The following PTGER3 variants were observed in gnomAD, a reference collection of about 807,000 sequenced individuals.
PTGER3 encodes the protein prostaglandin E2 receptor EP3 subtype.
In PTGER3, 22 loss-of-function variants were observed where a neutral mutation model predicts 34.7. That is an observed-to-expected ratio of 0.63 (90% CI 0.45 to 0.91). PTGER3 has a LOEUF of 0.91. Among genes scored for constraint, PTGER3 ranks in the 40% least tolerant of loss-of-function variants. The probability of loss-of-function intolerance (pLI) is 0.00; values close to 1 mark genes in which losing one functional copy is unlikely to be tolerated. For synonymous variants in PTGER3, 241 were observed against 230.1 expected (o/e 1.05, Z -0.43); for missense variants, 468 against 519.4 (o/e 0.90, Z 0.96).
chr1:70,962,830 C>G (rs1652078221), intron 2 of PTGER3, among the ~76,000 whole-genome samples: 1 of 152,210 alleles, frequency 6.6e-6, no homozygotes, highest in Non-Finnish European at 1.5e-5. Flanking sequence ...TATGTCCTCA[C>G]ATTTCAAAAC....
intron 4 of PTGER3, among the ~76,000 whole-genome samples, chr1:70,854,508 T>C (rs1267616437): frequency 1.2e-4 from 18 of 152,074 alleles, no homozygotes; most frequent in Admixed American, 1.2e-3. Context: ...AGGGGCCTGG[T>C]GGGAGATGAT....
rs574269607 is a variant in PTGER3 at position 70,910,768 on chromosome 1, G to A, written c.*23+42995C>T. On this transcript the variant is annotated intron_variant, in intron 4 of 4. Coordinates refer to the PTGER3 transcript ENST00000370931. The stretch of plus-strand genomic sequence containing the variant: ...AGCATTGGTTAGAAAAAATGTCAAT[G>A]AGCCACGTTCTGGTTGTAAAATTCT... 2.6e-5 allele frequency among the ~76,000 whole-genome samples: 4 copies of A among 152,254 alleles called. No individual in the cohort carries two copies. In the East Asian group the frequency reaches 5.8e-4, roughly 22 times the overall value.
At position 70,984,386 on chromosome 1, in the gene PTGER3, C is replaced by CA. The variant is rs66985528; in HGVS notation, c.1078-9999dup. ...TGGGCAGTAGACTGAGACTCTGCCT[C>CA]AAAAAAAAAAAAAAAATTCATTAAA... is the stretch of plus-strand genomic sequence containing the variant. On this transcript the variant is annotated intron_variant, in intron 2 of 3. Transcript: ENST00000306666. 3.3e-3 allele frequency among the ~76,000 whole-genome samples: 449 copies of CA among 138,108 alleles called. 2 individuals are homozygous for CA. The highest frequency in any genetic ancestry group is 0.011 in the Middle Eastern group (3 of 280). The allele number at this position is 138,108 out of a possible 152,430, so 90.6% of individuals were successfully genotyped here. A position where few individuals can be genotyped will look rare whatever the true frequency, so the allele number is the denominator to read the frequency against.
intron 4 of PTGER3, among the ~76,000 whole-genome samples, chr1:70,864,270 G>A (rs1645993102): frequency 6.6e-6 from 1 of 151,938 alleles, no homozygotes; most frequent in South Asian, 2.1e-4. Flanking sequence ...TATCACTCTT[G>A]ATCAGGTAAT....
chr1:70,990,169 C>T lies in PTGER3; in HGVS notation c.1078-15781G>A, dbSNP rs568781087. On this transcript the variant is annotated intron_variant, in intron 2 of 3. Transcript: ENST00000306666. Reference sequence around the variant, plus strand: ...GAGATCGAGACCAACCTGGCTAACACGGTGAAACCCCCTCTCTACTAAAAA... The same window carrying T: ...GAGATCGAGACCAACCTGGCTAACATGGTGAAACCCCCTCTCTACTAAAAA... Among the ~76,000 whole-genome samples, 266 of 151,374 alleles carry T rather than the reference C, an allele frequency of 1.8e-3. 3 individuals are homozygous for T. The highest frequency in any genetic ancestry group is 5.8e-3 in the African/African-American group (238 of 41,236).
At chr1:70,876,905 T>C (rs971129171) in intron 4 of PTGER3, among the ~76,000 whole-genome samples, 1 of 152,200 alleles carries the variant, frequency 6.6e-6, no homozygotes, top group South Asian at 2.1e-4. Flanking sequence ...TCCAGCTTTG[T>C]ACTTTTTGCT....
At chr1:70,884,608 C>A (rs11808606) in intron 4 of PTGER3, among the ~76,000 whole-genome samples, 5,752 of 152,212 alleles carry the variant, frequency 0.038, 272 homozygotes, top group East Asian at 0.22. Context: ...AGACCCTGAG[C>A]TGAAGACCAA....
intron 4 of PTGER3, among the ~76,000 whole-genome samples, chr1:70,886,792 A>G (rs557732021): frequency 9.8e-5 from 15 of 152,302 alleles, no homozygotes; most frequent in African/African-American, 3.6e-4. Context: ...TGGATGCTCA[A>G]TAAATATGGT....
rs560442078 is a variant in PTGER3, at chr1:70,982,186, T to C, written c.1078-7798A>G. 7.2e-5 allele frequency among the ~76,000 whole-genome samples: 11 copies of C among 152,326 alleles called. No homozygotes were observed. The South Asian group carries it at 1.2e-3, about 17-fold the overall frequency. ...CACTTCCCTGTACATCTACTTCTGATACCAGGTTAAGAGGGACTTTTTCTC... is the reference window on the plus strand; with the variant it reads ...CACTTCCCTGTACATCTACTTCTGACACCAGGTTAAGAGGGACTTTTTCTC... On this transcript the variant is annotated intron_variant, in intron 2 of 3. Transcript: ENST00000306666.
At chr1:70,853,938 C>T (rs138965329) in intron 4 of PTGER3, among the ~76,000 whole-genome samples, 11 of 152,048 alleles carry the variant, frequency 7.2e-5, no homozygotes, top group Non-Finnish European at 1.2e-4. Context: ...AGAATGAAGT[C>T]GGATCCTTAC....
chr1:71,022,568 A>T (rs552660320), intron 1 of PTGER3, among the ~76,000 whole-genome samples: 1 of 152,008 alleles, frequency 6.6e-6, no homozygotes, highest in Non-Finnish European at 1.5e-5. Flanking sequence ...TTAAGACTTC[A>T]TCTCACAGGA....
At chr1:71,020,109 C>A (rs1382364318) in intron 1 of PTGER3, among the ~76,000 whole-genome samples, 2 of 152,136 alleles carry the variant, frequency 1.3e-5, no homozygotes, top group Admixed American at 6.5e-5. Flanking sequence ...TGGGAAGAAG[C>A]TTCACTGTGG....
At chr1:70,967,660 A>G (rs1652668204), downstream of PTGER3, among the ~76,000 whole-genome samples, 1 of 152,182 alleles carries the variant, frequency 6.6e-6, no homozygotes, top group Non-Finnish European at 1.5e-5. Context: ...TATTTTATAC[A>G]GATCCTTAAG....
chr1:70,952,675 A>C, exon 4 of PTGER3: 1 of 1,152,158 alleles, frequency 8.7e-7, no homozygotes. Context: ...ACCATGTGCT[A>C]TTCTTACTAT....
intron 4 of PTGER3, among the ~76,000 whole-genome samples, chr1:70,853,340 G>C (rs1226940086): frequency 6.6e-6 from 1 of 152,140 alleles, no homozygotes; most frequent in African/African-American, 2.4e-5. Flanking sequence ...TAAAGAATTA[G>C]AGAAATCCAG....
exon 4 of PTGER3, chr1:70,952,792 CCGA>C: frequency 7.3e-7 from 1 of 1,365,158 alleles, no homozygotes; most frequent in Non-Finnish European, 9.5e-7. Flanking sequence ...TCCCACCTTT[CCGA>C]GTCAATCAAC....
chr1:71,018,612 A>T (rs1658127009), intron 1 of PTGER3, among the ~76,000 whole-genome samples: 1 of 152,156 alleles, frequency 6.6e-6, no homozygotes, highest in African/African-American at 2.4e-5. Flanking sequence ...ATTATCTAAA[A>T]ACTCACTTAA....
chr1:70,979,138 G>T (rs1045265110), intron 2 of PTGER3, among the ~76,000 whole-genome samples: 21 of 152,120 alleles, frequency 1.4e-4, no homozygotes, highest in African/African-American at 4.1e-4. Flanking sequence ...AGCCCCACAA[G>T]AGCAGAGATT....
At chr1:71,021,881 A>G (rs532295655) in intron 1 of PTGER3, among the ~76,000 whole-genome samples, 2 of 151,896 alleles carry the variant, frequency 1.3e-5, no homozygotes, top group Non-Finnish European at 2.9e-5. Context: ...CATAATTTAT[A>G]TCTATTCTAA....
Sources: gnomAD v4.1 joint callset for allele counts (sites outside exome capture counted in the v4.1 genomes callset) on GRCh38, gnomAD v4.1.1 for gene constraint, MANE v1.5 for transcripts, NCBI Gene and HGNC (gene_info 2026-07-23, HGNC 2026-07-21) for gene names.